Variants in S1PR3 observed in about 807,000 individuals in gnomAD.
The protein encoded by S1PR3 is sphingosine-1-phosphate receptor 3, also known as sphingosine 1-phosphate receptor 3.
S1PR3 carries 12 observed loss-of-function variants against 13.3 expected under a neutral mutation model. The observed-to-expected ratio is 0.90, with a 90% CI of 0.58 to 1.46. The LOEUF is 1.46. S1PR3 is among the 40% of genes most tolerant of loss of function. S1PR3 has a pLI of 0.00. For synonymous variants in S1PR3, 232 were observed against 214.0 expected, an observed-to-expected ratio of 1.08 and a Z score of -0.73; for missense variants, 450 against 501.9, an observed-to-expected ratio of 0.90 and a Z score of 0.99.
Position 88,991,898 on chromosome 9 carries a change from C to A in S1PR3, c.-148+203C>A. 6.2e-7 allele frequency: 1 copy of A among 1,614,156 alleles called. No homozygotes were observed. Among genetic ancestry groups the A allele is most frequent in the Non-Finnish European group, 8.5e-7 (1 of 1,180,024 alleles). The stretch of plus-strand genomic sequence containing the variant: ...GAGGCCTTTTCCACCGCACCCGGAG[C>A]GTTTACAACGGGCTGGAGCTGAATA... On this transcript the variant is annotated intron_variant, in intron 1 of 1. Coordinates refer to ENST00000358157, the MANE Select transcript of S1PR3 (RefSeq NM_005226.4). This position sits in a 1 kb window ranked among gnomAD's most constrained non-coding sequence, Gnocchi z 4.0.
rs912467545 is a variant in S1PR3 at position 89,004,493 on chromosome 9, T to G, written c.*2156T>G. ...ATTTTCACATAGGTGATGAAATGAC[T>G]TTGGAACTTTATCTGTGTTATAGTT... is the stretch of plus-strand genomic sequence containing the variant. On this transcript the variant is annotated 3_prime_UTR_variant, in exon 2 of 2. Transcript: ENST00000358157. 1.2e-5 allele frequency: 2 copies of G among 167,106 alleles called. No homozygotes were observed. Among genetic ancestry groups the G allele is most frequent in the African/African-American group, 4.8e-5 (2 of 41,460 alleles). The allele number at this position is 167,106 out of a possible 1,614,324, so 10.4% of individuals were successfully genotyped here.
rs199610835 is a variant in S1PR3, at chr9:89,001,465, G to A, written c.265G>A (p.Gly89Ser). Residue 89 changes from glycine to serine, a missense_variant, in exon 2 of 2, where the codon GGC (glycine) becomes AGC (serine). Physicochemically the swap from Gly to Ser is moderately conservative, Grantham distance 56 (BLOSUM62 0). Coordinates refer to ENST00000358157, the MANE Select transcript of S1PR3 (RefSeq NM_005226.4). ...CCTGGCTCTCTGCGACCTGCTGGCC[G>A]GCATCGCTTACAAGGTCAACATTCT... ...GNLALCDLLA[G>S]IAYKVNILMS... The A allele has an allele frequency of 6.2e-7, 1 of 1,614,184 alleles. No individual in the cohort carries two copies. Among genetic ancestry groups the A allele is most frequent in the Non-Finnish European group, 8.5e-7 (1 of 1,180,044 alleles).
intron 1 of S1PR3, chr9:88,994,948 A>G (rs535270023): frequency 6.0e-6 from 1 of 167,216 alleles, no homozygotes; most frequent in East Asian, 1.9e-4. Flanking sequence ...GCATTTTGCA[A>G]TGGACTGTCT....
chr9:88,995,857 T>C (rs929590569), intron 1 of S1PR3: 2 of 167,044 alleles, frequency 1.2e-5, no homozygotes, highest in Non-Finnish European at 2.9e-5. Context: ...GGATGTGCCG[T>C]GGAGGTGGGC....
chr9:88,993,627 C>T (rs1299265518), intron 1 of S1PR3: 1 of 152,126 alleles, frequency 6.6e-6, no homozygotes, highest in African/African-American at 2.4e-5. Context: ...TTAAGATTTT[C>T]CTTAAGCTTT....
chr9:88,991,202 G>C, upstream of S1PR3: 2 of 1,588,416 alleles, frequency 1.3e-6, no homozygotes, highest in Non-Finnish European at 1.7e-6. This position sits in a 1 kb window ranked among gnomAD's most constrained non-coding sequence, Gnocchi z 4.0. Flanking sequence ...GGCCGGCCTG[G>C]GAACAGGGGC....
chr9:89,002,177 C>T lies in S1PR3; in HGVS notation c.977C>T (p.Ser326Leu), dbSNP rs199939984. Residue 326 changes from serine (S) to leucine (L), a missense_variant, in exon 2 of 2, where the codon TCA becomes TTA. Transcript: ENST00000358157. Reference sequence around the variant, plus strand: ...GTCAGGGGACGGGGGGCCCGCGCCTCACCCATCCAGCCTGCGCTCGACCCA... The same window carrying T: ...GTCAGGGGACGGGGGGCCCGCGCCTTACCCATCCAGCCTGCGCTCGACCCA... ...CLVRGRGARA[S>L]PIQPALDPSR... 2 of 1,613,886 alleles carry T rather than the reference C, an allele frequency of 1.2e-6. No homozygotes were observed. The highest frequency in any genetic ancestry group is 1.3e-5 in the African/African-American group (1 of 74,888).
chr9:88,992,049 C>A, intron 1 of S1PR3: 2 of 1,594,008 alleles, frequency 1.3e-6, no homozygotes, highest in South Asian at 2.2e-5. Flanking sequence ...GGGTTGTGGT[C>A]GTTAGCCTGG....
At chr9:88,991,197 G>A (rs759883642), upstream of S1PR3, 5 of 1,591,574 alleles carry the variant, frequency 3.1e-6, no homozygotes, top group Non-Finnish European at 4.3e-6. The surrounding 1 kb of genome is among the most constrained non-coding windows in gnomAD (Gnocchi z 4.0). Flanking sequence ...CTGGAGGCCG[G>A]CCTGGGAACA....
intron 1 of S1PR3, chr9:88,992,278 C>A: frequency 2.4e-6 from 1 of 418,390 alleles, no homozygotes; most frequent in South Asian, 2.7e-5. Flanking sequence ...GTCAGTCTCT[C>A]TCTCTCTCTC....
In S1PR3 at chr9:88,991,521, A is replaced by T. The variant is rs1825702493; in HGVS notation, c.-322A>T. 6.5e-7 allele frequency: 1 copy of T among 1,547,610 alleles called. No individual in the cohort carries two copies. Among genetic ancestry groups the T allele is most frequent in the Non-Finnish European group, 8.7e-7 (1 of 1,145,922 alleles). On this transcript the variant is annotated 5_prime_UTR_variant, in exon 1 of 2. The change creates a new upstream start codon in the 5' untranslated region. Transcript: ENST00000358157. The surrounding 1 kb of genome is among the most constrained non-coding windows in gnomAD (Gnocchi z 4.0). Reference sequence around the variant, plus strand: ...GGGCAACAGGGACTCAGGGACCAGAAGGCGGCTGCAGGACGCGACCGAGCA... The same window carrying T: ...GGGCAACAGGGACTCAGGGACCAGATGGCGGCTGCAGGACGCGACCGAGCA...
Position 89,001,074 on chromosome 9 carries a change from C to T in S1PR3, c.-127C>T, listed in dbSNP as rs1042048790. ...GGCAGGAGCCCTTTTTCAACGCCCT[C>T]GCTGGAGTCTGGCCTGCACGCCTTG... On this transcript the variant is annotated 5_prime_UTR_variant, in exon 2 of 2. Coordinates refer to ENST00000358157, the MANE Select transcript of S1PR3 (RefSeq NM_005226.4). 1.3e-5 allele frequency: 14 copies of T among 1,100,104 alleles called. No individual in the cohort carries two copies. Among genetic ancestry groups the T allele is most frequent in the South Asian group, 3.1e-5 (2 of 64,984 alleles). 68.1% of individuals were successfully genotyped at this position (1,100,104 alleles called of 1,614,324 possible). A position where few individuals can be genotyped will look rare whatever the true frequency, so the allele number is the denominator to read the frequency against.
chr9:88,991,681 C>G lies in S1PR3; in HGVS notation c.-162C>G. 1 of 1,519,576 alleles carries G rather than the reference C, an allele frequency of 6.6e-7. No homozygotes were observed. The highest frequency in any genetic ancestry group is 8.8e-7 in the Non-Finnish European group (1 of 1,134,648). The allele number at this position is 1,519,576 out of a possible 1,614,324, so 94.1% of individuals were successfully genotyped here. On this transcript the variant is annotated 5_prime_UTR_variant, in exon 1 of 2. Transcript: ENST00000358157. The surrounding 1 kb of genome is among the most constrained non-coding windows in gnomAD (Gnocchi z 4.0). ...GCTAGGATGCCGGTGGCCCCAGCGC[C>G]CTCAGCCGACGGAGGTGAGAGGCGG...
chr9:88,991,862 G>A lies in S1PR3; in HGVS notation c.-148+167G>A. 1 of 1,614,136 alleles carries A rather than the reference G, an allele frequency of 6.2e-7. No homozygotes were observed. Among genetic ancestry groups the A allele is most frequent in the Non-Finnish European group, 8.5e-7 (1 of 1,179,980 alleles). ...GCACCCCTCCCCCAGAGCCGCTGCA[G>A]GAACAGGGAGGAGGCCTTTTCCACC... On this transcript the variant is annotated intron_variant, in intron 1 of 1. Transcript: ENST00000358157. The surrounding 1 kb of genome is among the most constrained non-coding windows in gnomAD (Gnocchi z 4.0).
rs1416976367 is a variant in S1PR3, at chr9:89,004,822, C to G, written c.*2485C>G. 1 of 167,078 alleles carries G rather than the reference C, an allele frequency of 6.0e-6. No homozygotes were observed. Among genetic ancestry groups the G allele is most frequent in the East Asian group, 1.9e-4 (1 of 5,200 alleles). The allele number at this position is 167,078 out of a possible 1,614,324, so 10.3% of individuals were successfully genotyped here. ...AATGTGCACCAATATGCCTAACTAG[C>G]TAGCCAGCTGGAGATAATTTACCAG... On this transcript the variant is annotated 3_prime_UTR_variant, in exon 2 of 2. Coordinates refer to ENST00000358157, the MANE Select transcript of S1PR3 (RefSeq NM_005226.4).
rs760550263 is a variant in S1PR3, at chr9:89,001,822, C to G, written c.622C>G (p.Leu208Val). The G allele has an allele frequency of 6.2e-7, 1 of 1,614,250 alleles. No individual in the cohort carries two copies. The highest frequency in any genetic ancestry group is 2.2e-5 in the East Asian group (1 of 44,880). Reference protein sequence around the residue: ...AFCISIFTAILVTIVILYARI... With the variant: ...AFCISIFTAIVVTIVILYARI... ...CTGCATCAGCATCTTCACGGCCATC[C>G]TGGTGACCATCGTGATCCTCTACGC... The change falls in exon 2 of 2, where the codon CTG (leucine) becomes GTG (valine). Residue 208 changes from leucine to valine, a missense_variant. By Grantham distance (32) the Leu-to-Val change is conservative. Transcript: ENST00000358157.
At chr9:88,992,586 T>A (rs1486846121) in intron 1 of S1PR3, 1 of 152,418 alleles carries the variant, frequency 6.6e-6, no homozygotes, top group African/African-American at 2.4e-5. Context: ...ACTTTGTATA[T>A]AACCACATAT....
chr9:88,992,968 A>G (rs1825743621), intron 1 of S1PR3: 1 of 152,654 alleles, frequency 6.6e-6, no homozygotes, highest in African/African-American at 2.4e-5. Context: ...AATCACTTCC[A>G]TCACCTAACA....
At position 89,004,861 on chromosome 9, in the gene S1PR3, G is replaced by A. The variant is rs1202388475; in HGVS notation, c.*2524G>A. On this transcript the variant is annotated 3_prime_UTR_variant, in exon 2 of 2. Transcript: ENST00000358157. ...ATAATTTACCAGGGAATGTTTCAAA[G>A]CCCTAACCTTGAAGTTTGGAAACAG... 1 of 167,096 alleles carries A rather than the reference G, an allele frequency of 6.0e-6. No individual in the cohort carries two copies. The highest frequency in any genetic ancestry group is 1.5e-5 in the Non-Finnish European group (1 of 68,124). 10.4% of individuals were successfully genotyped at this position (167,096 alleles called of 1,614,324 possible). A position where few individuals can be genotyped will look rare whatever the true frequency, so the allele number is the denominator to read the frequency against.
Sources: gnomAD v4.1 joint callset for allele counts on GRCh38, gnomAD v4.1.1 for gene constraint, Gnocchi (gnomAD v3.1) non-coding constraint, MANE v1.5 for transcripts, NCBI Gene and HGNC (gene_info 2026-07-23, HGNC 2026-07-21) for gene names.